PRKN: variants seen among roughly 807,000 people sequenced by gnomAD.
PRKN encodes E3 ubiquitin-protein ligase parkin.
PRKN carries 56 observed loss-of-function variants against 59.5 expected under a neutral mutation model. The observed-to-expected ratio is 0.94, with a 90% CI of 0.76 to 1.18. The LOEUF is 1.18. Among genes scored for constraint, PRKN ranks in the 50% most tolerant of loss-of-function variants. PRKN has a pLI of 0.00. For missense variants in PRKN, 657 were observed against 596.4 expected (o/e 1.10, Z -1.06); for synonymous variants, 250 against 222.1 (o/e 1.13, Z -1.12).
At chr6:161,761,303 C>T (rs975347213) in intron 7 of PRKN, among the ~76,000 whole-genome samples, 6 of 151,762 alleles carry the variant, frequency 4.0e-5, no homozygotes, top group South Asian at 2.1e-4. Context: ...GCACTGTGGC[C>T]GAGCTACGGT....
intron 2 of PRKN, among the ~76,000 whole-genome samples, chr6:162,410,784 ATC>A (rs2128154510): frequency 6.6e-6 from 1 of 152,244 alleles, no homozygotes; most frequent in East Asian, 1.9e-4. Context: ...GGCTTCTGTT[ATC>A]ACCTGAGGAG....
At position 161,386,798 on chromosome 6, in the gene PRKN, G is replaced by A. The variant is rs547404732; in HGVS notation, c.1163C>T (p.Thr388Ile). Residue 388 changes from threonine (T) to isoleucine (I), a missense_variant, in exon 10 of 12, where the codon ACT becomes ATT. Transcript: ENST00000366898. The surrounding 1 kb of genome is among the most constrained non-coding windows in gnomAD (Gnocchi z 4.3). The part of the protein sequence containing the change: ...SAVFEASGTT[T>I]QAYRVDERAA... The stretch of plus-strand genomic sequence containing the variant: ...AATGAGTAGGGCATTCTGTACCTGA[G>A]TAGTTGTTCCTGAGGCTTCAAATAC... 3 of 1,610,902 alleles carry A rather than the reference G, an allele frequency of 1.9e-6. No homozygotes were observed. The highest frequency in any genetic ancestry group is 1.1e-5 in the South Asian group (1 of 91,028).
Position 161,533,782 on chromosome 6 carries a change from C to T in PRKN, c.1083+15072G>A, listed in dbSNP as rs983093858. On this transcript the variant is annotated intron_variant, in intron 9 of 11. Transcript: ENST00000366898. This position sits in a 1 kb window ranked among gnomAD's most constrained non-coding sequence, Gnocchi z 4.1. ...TTTCTTCCGCCTGTTAAACTTTCCA[C>T]TCCTTAACCCACCCACGTGTCTGTG... Among the ~76,000 whole-genome samples the T allele has an allele frequency of 6.6e-6, 1 of 151,632 alleles. No individual in the cohort carries two copies. The highest frequency in any genetic ancestry group is 2.4e-5 in the African/African-American group (1 of 41,396).
At chr6:162,696,354 T>G (rs1206620491) in intron 1 of PRKN, among the ~76,000 whole-genome samples, 1 of 152,060 alleles carries the variant, frequency 6.6e-6, no homozygotes, top group Non-Finnish European at 1.5e-5. Context: ...AGGGAAGGAA[T>G]TCCAGTCCTT....
rs113050205 is a variant in PRKN at position 161,527,979 on chromosome 6, A to G, written c.1083+20875T>C. 2.3e-3 allele frequency among the ~76,000 whole-genome samples: 354 copies of G among 152,362 alleles called. 2 individuals carry two copies. Among genetic ancestry groups the G allele is most frequent in the Middle Eastern group, 0.01 (3 of 294 alleles). On this transcript the variant is annotated intron_variant, in intron 9 of 11. Coordinates refer to ENST00000366898, the MANE Select transcript of PRKN (RefSeq NM_004562.3). The surrounding 1 kb of genome is among the most constrained non-coding windows in gnomAD (Gnocchi z 4.6). Reference sequence around the variant, plus strand: ...CCCCCCACTTAGTCCCCAGAGACTTAGAGTTAACTTGAATAAATTCCCCTA... The same window carrying G: ...CCCCCCACTTAGTCCCCAGAGACTTGGAGTTAACTTGAATAAATTCCCCTA...
chr6:162,328,885 T>C (rs2128124164), intron 2 of PRKN, among the ~76,000 whole-genome samples: 1 of 152,274 alleles, frequency 6.6e-6, no homozygotes, highest in Non-Finnish European at 1.5e-5. Flanking sequence ...CTAGGGCCCC[T>C]GCTACATGGC....
intron 3 of PRKN, among the ~76,000 whole-genome samples, chr6:162,257,709 C>G (rs1258249889): frequency 1.3e-5 from 2 of 152,132 alleles, no homozygotes; most frequent in Admixed American, 1.3e-4. Context: ...GCGGCAAGCA[C>G]TCACCGACAC....
Position 162,039,579 on chromosome 6 carries a change from G to C in PRKN, c.618+14512C>G, listed in dbSNP as rs532377927. 5.3e-5 allele frequency among the ~76,000 whole-genome samples: 8 copies of C among 152,324 alleles called. No homozygotes were observed. In the South Asian group the frequency reaches 1.7e-3, roughly 32 times the overall value. Reference sequence around the variant, plus strand: ...GACTCCTCTTCACCTTCCACCATGAGTGGCAGCGGCCTCAGGCCCTCCCCC... The same window carrying C: ...GACTCCTCTTCACCTTCCACCATGACTGGCAGCGGCCTCAGGCCCTCCCCC... On this transcript the variant is annotated intron_variant, in intron 5 of 11. Transcript: ENST00000366898.
chr6:161,940,141 C>T (rs112263104), intron 6 of PRKN, among the ~76,000 whole-genome samples: 1,943 of 152,156 alleles, frequency 0.013, 43 homozygotes, highest in African/African-American at 0.042. Flanking sequence ...GGTGATCCAC[C>T]CACCTTGGCA....
intron 1 of PRKN, among the ~76,000 whole-genome samples, chr6:162,655,115 A>T (rs1464315974): frequency 6.6e-6 from 1 of 152,150 alleles, no homozygotes; most frequent in African/African-American, 2.4e-5. Flanking sequence ...CACAAAAAAT[A>T]AAAATATACA....
At chr6:162,455,942 T>A (rs1055265596) in intron 1 of PRKN, among the ~76,000 whole-genome samples, 1 of 152,138 alleles carries the variant, frequency 6.6e-6, no homozygotes, top group Non-Finnish European at 1.5e-5. Context: ...ATATATTTGA[T>A]ACATTTCCTA....
In PRKN at chr6:162,078,401, A is replaced by G. The variant is rs1241392291; in HGVS notation, c.535-24227T>C. Reference sequence around the variant, plus strand: ...ATTCATAGAAGTATTAGTAATTGTGATATTATTCAGGAATCAAAAAACAAA... The same window carrying G: ...ATTCATAGAAGTATTAGTAATTGTGGTATTATTCAGGAATCAAAAAACAAA... On this transcript the variant is annotated intron_variant, in intron 4 of 11. Coordinates refer to ENST00000366898, the MANE Select transcript of PRKN (RefSeq NM_004562.3). Among the ~76,000 whole-genome samples, 7 of 152,094 alleles carry G rather than the reference A, an allele frequency of 4.6e-5. No individual in the cohort carries two copies. The East Asian group carries it at 1.3e-3, about 29-fold the overall frequency.
At chr6:161,885,283 T>A (rs1311490600) in intron 6 of PRKN, among the ~76,000 whole-genome samples, 1 of 152,142 alleles carries the variant, frequency 6.6e-6, no homozygotes, top group Non-Finnish European at 1.5e-5. Context: ...TGGGAAGTGC[T>A]AGTTTAAACC....
In PRKN at chr6:161,527,916, G is replaced by T. The variant is rs541980054; in HGVS notation, c.1083+20938C>A. On this transcript the variant is annotated intron_variant, in intron 9 of 11. Transcript: ENST00000366898. This position sits in a 1 kb window ranked among gnomAD's most constrained non-coding sequence, Gnocchi z 4.6. ...TTACCCCAAGGCCACAGGCATTACT[G>T]CCTCCTTTAACACAGCACTGCTTTT... 6.6e-6 allele frequency among the ~76,000 whole-genome samples: 1 copy of T among 152,168 alleles called. No individual in the cohort carries two copies. The highest frequency in any genetic ancestry group is 6.5e-5 in the Admixed American group (1 of 15,278).
intron 6 of PRKN, among the ~76,000 whole-genome samples, chr6:161,957,189 C>T (rs947764321): frequency 6.6e-6 from 1 of 152,152 alleles, no homozygotes; most frequent in Non-Finnish European, 1.5e-5. Flanking sequence ...TTGATAATAA[C>T]ATCTGAATGA....
At chr6:161,778,438 G>C (rs931163261) in intron 7 of PRKN, among the ~76,000 whole-genome samples, 2 of 152,266 alleles carry the variant, frequency 1.3e-5, no homozygotes, top group Admixed American at 1.3e-4. Flanking sequence ...GATGGCTTTA[G>C]GGATAAAATG....
intron 7 of PRKN, among the ~76,000 whole-genome samples, chr6:161,693,742 G>C (rs1785901511): frequency 6.6e-6 from 1 of 152,100 alleles, no homozygotes. Context: ...TAAATTTTTG[G>C]AAATACTAAT....
At chr6:162,352,807 C>T (rs1239381119) in intron 2 of PRKN, among the ~76,000 whole-genome samples, 1 of 152,056 alleles carries the variant, frequency 6.6e-6, no homozygotes, top group African/African-American at 2.4e-5. Context: ...AGCTAGACAC[C>T]TCATTTTCTA....
chr6:162,409,268 G>A (rs1236883629), intron 2 of PRKN, among the ~76,000 whole-genome samples: 2 of 151,762 alleles, frequency 1.3e-5, no homozygotes, highest in Non-Finnish European at 1.5e-5. Flanking sequence ...GGGCTTCTGC[G>A]ATCCTCCTGC....
Sources: allele counts gnomAD v4.1 joint callset (sites outside exome capture counted in the v4.1 genomes callset), GRCh38; gene constraint gnomAD v4.1.1; non-coding constraint Gnocchi (gnomAD v3.1); transcripts MANE v1.5; gene names NCBI Gene and HGNC (gene_info 2026-07-23, HGNC 2026-07-21).